LTN1: variants seen among roughly 807,000 people sequenced by gnomAD.
LTN1 encodes the protein E3 ubiquitin-protein ligase listerin.
In LTN1, 88 loss-of-function variants were observed where a neutral mutation model predicts 201.2. That is an observed-to-expected ratio of 0.44 (90% CI 0.37 to 0.52). The LOEUF (loss-of-function observed/expected upper bound fraction) is 0.52, where lower values mean the gene tolerates loss of function less well. LTN1 is among the 20% of genes least tolerant of loss of function. The probability of loss-of-function intolerance (pLI) is 0.00; values close to 1 mark genes in which losing one functional copy is unlikely to be tolerated. For missense variants in LTN1, 1,752 were observed against 2,038.7 expected (o/e 0.86, Z 2.71); for synonymous variants, 645 against 713.5 (o/e 0.90, Z 1.53).
At chr21:28,954,679 T>C (rs952360900) in intron 16 of LTN1, among the ~76,000 whole-genome samples, 3 of 152,042 alleles carry the variant, frequency 2.0e-5, no homozygotes, top group Non-Finnish European at 1.5e-5. Context: ...CAAGAACATA[T>C]ATTGGGGAAA....
chr21:28,952,828 C>T (rs1263459839), intron 17 of LTN1, among the ~76,000 whole-genome samples: 2 of 152,200 alleles, frequency 1.3e-5, no homozygotes, highest in East Asian at 1.9e-4. Flanking sequence ...TTCATACCTG[C>T]CTTCCTAATC....
At position 28,956,771 on chromosome 21, in the gene LTN1, C is replaced by G. The variant is rs2084428697; in HGVS notation, c.3070G>C (p.Glu1024Gln). The G allele has an allele frequency of 6.3e-7, 1 of 1,582,720 alleles. No homozygotes were observed. The highest frequency in any genetic ancestry group is 1.4e-5 in the African/African-American group (1 of 73,988). ...KETVLENNEL[E>Q]KIIAELLYSL... is the part of the protein sequence containing the mutation. ...ACTCATATATACTTACTTATTTTCT[C>G]AAGCTCATTATTTTCTAAGACTGTT... Residue 1024 changes from glutamate to glutamine, a missense_variant, in exon 16 of 30, where the codon GAG (glutamate) becomes CAG (glutamine). Physicochemically the swap from Glu to Gln is conservative, Grantham distance 29 (BLOSUM62 2). Transcript: ENST00000361371.
chr21:28,958,671 C>G, intron 13 of LTN1, 132 bp from the exon 14 acceptor site: 1 of 600,508 alleles, frequency 1.7e-6, no homozygotes, highest in South Asian at 2.3e-5. Flanking sequence ...TTTAAATTGC[C>G]ATTCAAAATT....
chr21:28,992,473 G>A (rs73190182), intron 1 of LTN1, among the ~76,000 whole-genome samples: 23 of 152,262 alleles, frequency 1.5e-4, no homozygotes, highest in Non-Finnish European at 2.5e-4. Flanking sequence ...ACCTCGGCCA[G>A]ATCACCTTCC....
intron 18 of LTN1, among the ~76,000 whole-genome samples, chr21:28,948,751 G>A (rs1444657271): frequency 6.6e-6 from 1 of 152,064 alleles, no homozygotes; most frequent in Non-Finnish European, 1.5e-5. Flanking sequence ...TCCATACTAT[G>A]GAGGTATCAT....
rs775979381 is a variant in LTN1, at chr21:28,986,951, G to A, written c.43-17C>T. 68 of 1,591,148 alleles carry A rather than the reference G, an allele frequency of 4.3e-5. No individual in the cohort carries two copies. The highest frequency in any genetic ancestry group is 6.7e-5 in the Admixed American group (4 of 59,724). On this transcript the variant is annotated splice_polypyrimidine_tract_variant and intron_variant, in intron 1 of 29. Coordinates refer to ENST00000361371, the MANE Select transcript of LTN1 (RefSeq NM_015565.3). This position sits in a 1 kb window ranked among gnomAD's most constrained non-coding sequence, Gnocchi z 4.1. ...GTTTGAAGGCTGATAAGAAAATTAC[G>A]GAGAAAAAAGTCAGAGTCCAGGAAG...
At chr21:28,936,475 C>T in intron 26 of LTN1, 51 bp downstream of exon 26, 1 of 1,430,548 alleles carries the variant, frequency 7.0e-7, no homozygotes, top group Non-Finnish European at 9.4e-7. Context: ...TTAATTCAAC[C>T]TAGTCTGAAT....
At chr21:28,943,985 C>T in intron 22 of LTN1, 81 bp from the exon 23 acceptor site, 1 of 559,544 alleles carries the variant, frequency 1.8e-6, no homozygotes. Flanking sequence ...AATCAAATGT[C>T]ATTTAAGAAA....
At chr21:28,966,326 C>A in intron 10 of LTN1, 44 bp downstream of exon 10, 1 of 1,445,970 alleles carries the variant, frequency 6.9e-7, no homozygotes, top group Non-Finnish European at 9.4e-7. Flanking sequence ...TCATTCTACT[C>A]ATCTATTATT....
chr21:28,935,834 C>A (rs1240205902), intron 26 of LTN1, among the ~76,000 whole-genome samples: 2 of 130,974 alleles, frequency 1.5e-5, no homozygotes, highest in East Asian at 4.3e-4. Context: ...AGCGAGACTC[C>A]GTCTCAAAAA....
In LTN1 at chr21:28,959,954, T is replaced by A. The variant is rs79930522; in HGVS notation, c.2354-257A>T. 1.6e-3 allele frequency: 485 copies of A among 296,936 alleles called. 1 individual carries two copies. Among genetic ancestry groups the A allele is most frequent in the African/African-American group, 0.01 (459 of 45,294 alleles). 18.4% of individuals were successfully genotyped at this position (296,936 alleles called of 1,614,324 possible). ...TGTACACTGAAAACCCTTTAAGTCA[T>A]GAGTCAACTTTATGAGCTAAAAAAA... On this transcript the variant is annotated intron_variant, in intron 12 of 29. Coordinates refer to ENST00000361371, the MANE Select transcript of LTN1 (RefSeq NM_015565.3).
intron 1 of LTN1, 74 bp downstream of exon 1, chr21:28,992,690 T>A: frequency 6.4e-7 from 1 of 1,566,652 alleles, no homozygotes; most frequent in Non-Finnish European, 8.8e-7. Flanking sequence ...CCACACACCC[T>A]CCAGCAACGC....
In LTN1 at chr21:28,965,877, C is replaced by T; in HGVS notation, c.2151G>A (p.Lys717=). Residue 717 remains lysine (K), a synonymous_variant, in exon 11 of 30, where the codon AAG becomes AAA. Coordinates refer to ENST00000361371, the MANE Select transcript of LTN1 (RefSeq NM_015565.3). ...ATCCCTAAGATACCTTTTCAATAAT[C>T]TTAAGAAGAGAATTCCATTTCAAGT... ...KVDLKWNSLL[K]IIEKACPSSD... The T allele has an allele frequency of 6.7e-7, 1 of 1,490,430 alleles. No homozygotes were observed. Among genetic ancestry groups the T allele is most frequent in the South Asian group, 1.2e-5 (1 of 81,818 alleles). The allele number at this position is 1,490,430 out of a possible 1,614,324, so 92.3% of individuals were successfully genotyped here.
At chr21:28,992,708 G>T in intron 1 of LTN1, 56 bp downstream of exon 1, 1 of 1,602,780 alleles carries the variant, frequency 6.2e-7, no homozygotes, top group Admixed American at 1.7e-5. Context: ...CGCGCTGGGC[G>T]GAGCCAGCCG....
At chr21:28,976,599 CA>C (rs11315471) in intron 6 of LTN1, among the ~76,000 whole-genome samples, 2,442 of 71,562 alleles carry the variant, frequency 0.034, 51 homozygotes, top group African/African-American at 0.1. Context: ...GATTCTGTCT[CA>C]AAAAAAAAAA....
Position 28,930,219 on chromosome 21 carries a change from C to A in LTN1, c.*229G>T, listed in dbSNP as rs2084200282. 2.7e-6 allele frequency: 1 copy of A among 366,158 alleles called. No individual in the cohort carries two copies. Among genetic ancestry groups the A allele is most frequent in the African/African-American group, 2.1e-5 (1 of 47,728 alleles). The allele number at this position is 366,158 out of a possible 1,614,324, so 22.7% of individuals were successfully genotyped here. A position where few individuals can be genotyped will look rare whatever the true frequency, so the allele number is the denominator to read the frequency against. On this transcript the variant is annotated 3_prime_UTR_variant, in exon 30 of 30. Transcript: ENST00000361371. ...AACCATTAATAGAAATATTTTCTCT[C>A]AAATATGTAATATTCTTTTGTAAAA...
rs749204141 is a variant in LTN1, at chr21:28,935,294, C to A, written c.4690G>T (p.Ala1564Ser). Residue 1564 changes from alanine to serine, a missense_variant, in exon 27 of 30, where the codon GCT (alanine) becomes TCT (serine). Around this residue, in one of 3 missense-constraint regions of LTN1, gnomAD observed 261 missense variants for 350.1 expected, o/e 0.75. Transcript: ENST00000361371. ...TMLPYHIPHL[A>S]CSVYHMTLKD... Reference sequence around the variant, plus strand: ...AATGTCATATGATAGACTGAACAAGCCAAGTGTGGAATGTGGTATGGAAGC... The same window carrying A: ...AATGTCATATGATAGACTGAACAAGACAAGTGTGGAATGTGGTATGGAAGC... 4.9e-5 allele frequency: 79 copies of A among 1,613,792 alleles called. No individual in the cohort carries two copies. The highest frequency in any genetic ancestry group is 6.7e-5 in the Non-Finnish European group (79 of 1,179,850).
chr21:28,992,680 C>G, intron 1 of LTN1, 84 bp downstream of exon 1: 1 of 1,524,830 alleles, frequency 6.6e-7, no homozygotes, highest in Non-Finnish European at 9.0e-7. Flanking sequence ...CAGCCGCGCT[C>G]CACACACCCT....
At chr21:28,972,338 G>A (rs1196193453) in intron 6 of LTN1, among the ~76,000 whole-genome samples, 1 of 152,118 alleles carries the variant, frequency 6.6e-6, no homozygotes, top group African/African-American at 2.4e-5. Flanking sequence ...GGTACCTGCA[G>A]GGGATTGGAT....
Sources: allele counts gnomAD v4.1 joint callset (sites outside exome capture counted in the v4.1 genomes callset), GRCh38; gene constraint gnomAD v4.1.1; regional missense constraint gnomAD v4.1.1; non-coding constraint Gnocchi (gnomAD v3.1); transcripts MANE v1.5; gene names NCBI Gene and HGNC (gene_info 2026-07-23, HGNC 2026-07-21).